Variants in BUD23 observed in about 807,000 individuals in gnomAD.
The protein encoded by BUD23 is 18S rRNA (guanine-N(7))-methyltransferase.
In BUD23, 34 loss-of-function variants were observed where a neutral mutation model predicts 47.0. The ratio of observed to expected loss-of-function variants is 0.72; its 90% CI spans 0.55 to 0.96. BUD23 has a LOEUF of 0.96. BUD23 is among the 40% of genes least tolerant of loss of function. The probability of loss-of-function intolerance (pLI) is 0.00; values close to 1 mark genes in which losing one functional copy is unlikely to be tolerated. For synonymous variants in BUD23, 124 were observed against 132.0 expected (o/e 0.94, Z 0.41); for missense variants, 343 against 361.2 (o/e 0.95, Z 0.41).
Position 73,693,994 on chromosome 7 carries a change from GC to G in BUD23, c.646del (p.Leu216Ter). Reference sequence around the variant, plus strand: ...TGAGTGCACTTTGGTTCCTGCAGGGGCTGAGTGAAAATCAGGATGAAGTTGA... The same window carrying G: ...TGAGTGCACTTTGGTTCCTGCAGGGGTGAGTGAAAATCAGGATGAAGTTGA... Reference protein sequence around the residue: ...SGPSTFIPEGLSENQDEVEPR... With the variant: ...SGPSTFIPEGXSENQDEVEPR... On this transcript the variant is annotated frameshift_variant, in exon 10 of 12. Coordinates refer to ENST00000265758, the MANE Select transcript of BUD23 (RefSeq NM_017528.5). LOFTEE classifies it high-confidence loss of function. 1 of 1,612,402 alleles carries G rather than the reference GC, an allele frequency of 6.2e-7. No homozygotes were observed. Among genetic ancestry groups the G allele is most frequent in the Non-Finnish European group, 8.5e-7 (1 of 1,179,574 alleles).
In BUD23 at chr7:73,697,636, G is replaced by A. The variant is rs1025573599; in HGVS notation, c.733G>A (p.Val245Met). 6.2e-7 allele frequency: 1 copy of A among 1,613,756 alleles called. No individual in the cohort carries two copies. The highest frequency in any genetic ancestry group is 1.7e-5 in the Admixed American group (1 of 60,026). The change falls in exon 11 of 12, where the codon GTG (valine) becomes ATG (methionine). Residue 245 changes from valine (V) to methionine (M), a missense_variant. Coordinates refer to ENST00000265758, the MANE Select transcript of BUD23 (RefSeq NM_017528.5). The part of the protein sequence containing the change: ...FPLRMSRRGM[V>M]RKSRAWVLEK... ...ATTAAGGATGTCGAGGCGGGGAATG[G>A]TGAGGAAGAGTCGGGCATGGGTGCT...
chr7:73,697,815 A>G lies in BUD23; in HGVS notation c.792-17A>G. 1 of 1,613,280 alleles carries G rather than the reference A, an allele frequency of 6.2e-7. No individual in the cohort carries two copies. The highest frequency in any genetic ancestry group is 8.5e-7 in the Non-Finnish European group (1 of 1,179,814). ...GATCTTTTTTTTCTGAGACTGTCCT[A>G]TTCCTTTTCTGCACAGGGAAGTCAG... On this transcript the variant is annotated splice_polypyrimidine_tract_variant and intron_variant, in intron 11 of 11. Transcript: ENST00000265758.
At position 73,690,990 on chromosome 7, in the gene BUD23, T is replaced by C; in HGVS notation, c.437T>C (p.Phe146Ser). The C allele has an allele frequency of 6.2e-7, 1 of 1,614,222 alleles. No individual in the cohort carries two copies. The highest frequency in any genetic ancestry group is 8.5e-7 in the Non-Finnish European group (1 of 1,180,044). ...ENPAKRLYCF[F>S]ASLFSVLVRG... ...CCTGCCAAGCGCCTGTACTGCTTTT[T>C]TGCTTCTCTTTTTTCTGTTCTCGTG... Residue 146 changes from phenylalanine (F) to serine (S), a missense_variant, in exon 6 of 12, where the codon TTT (phenylalanine) becomes TCT (serine). Coordinates refer to ENST00000265758, the MANE Select transcript of BUD23 (RefSeq NM_017528.5).
At position 73,687,054 on chromosome 7, in the gene BUD23, G is replaced by C; in HGVS notation, c.321G>C (p.Gln107His). Reference protein sequence around the residue: ...EGDLLLGDMGQGIPFKPGTFD... With the variant: ...EGDLLLGDMGHGIPFKPGTFD... Reference sequence around the variant, plus strand: ...ACCTGCTGCTGGGGGATATGGGCCAGGGCATCCCATTCAAGCCAGGCACAT... The same window carrying C: ...ACCTGCTGCTGGGGGATATGGGCCACGGCATCCCATTCAAGCCAGGCACAT... Residue 107 changes from glutamine to histidine, a missense_variant, in exon 5 of 12, where the codon CAG becomes CAC. Gln to His is a conservative substitution (Grantham distance 24). Coordinates refer to ENST00000265758, the MANE Select transcript of BUD23 (RefSeq NM_017528.5). 6.2e-7 allele frequency: 1 copy of C among 1,614,040 alleles called. No homozygotes were observed. The highest frequency in any genetic ancestry group is 8.5e-7 in the Non-Finnish European group (1 of 1,180,028).
rs782281250 is a variant in BUD23, at chr7:73,694,069, C to A, written c.701+19C>A. The A allele has an allele frequency of 1.9e-6, 3 of 1,597,922 alleles. No homozygotes were observed. Among genetic ancestry groups the A allele is most frequent in the South Asian group, 2.2e-5 (2 of 89,358 alleles). ...ATGAGAGGTAAAGCAACTGCTGAAG[C>A]CTGCCCCGGCTGCAGCGGGGGCTGC... is the stretch of plus-strand genomic sequence containing the variant. On this transcript the variant is annotated intron_variant, in intron 10 of 11. Transcript: ENST00000265758.
rs1222190421 is a variant in BUD23 at position 73,693,664 on chromosome 7, C to T, written c.637C>T (p.Pro213Ser). The change falls in exon 9 of 12, where the codon CCA becomes TCA. Residue 213 changes from proline to serine, a missense_variant. Coordinates refer to ENST00000265758, the MANE Select transcript of BUD23 (RefSeq NM_017528.5). ...CLFSGPSTFI[P>S]EGLSENQDEV... The stretch of plus-strand genomic sequence containing the variant: ...GTTTTCTGGGCCTTCGACCTTTATA[C>T]CAGAGGTGAGGGACACTGGGTTTGC... 6 of 1,614,050 alleles carry T rather than the reference C, an allele frequency of 3.7e-6. No homozygotes were observed. Among genetic ancestry groups the T allele is most frequent in the Non-Finnish European group, 5.1e-6 (6 of 1,180,026 alleles).
intron 2 of BUD23, among the ~76,000 whole-genome samples, chr7:73,685,685 G>A (rs565138261): frequency 9.9e-4 from 151 of 152,284 alleles, no homozygotes; most frequent in African/African-American, 3.4e-3. Flanking sequence ...TTATAGGCGT[G>A]AGCCACCAGG....
chr7:73,688,150 C>T (rs1160244354), intron 5 of BUD23, among the ~76,000 whole-genome samples: 1 of 152,166 alleles, frequency 6.6e-6, no homozygotes, highest in East Asian at 1.9e-4. Flanking sequence ...CCCTCTTCAG[C>T]CTCCCAAAGT....
Position 73,687,042 on chromosome 7 carries a change from G to T in BUD23, c.309G>T (p.Gly103=). ...AGATAGAGGGAGACCTGCTGCTGGGGGATATGGGCCAGGGCATCCCATTCA... is the reference window on the plus strand; with the variant it reads ...AGATAGAGGGAGACCTGCTGCTGGGTGATATGGGCCAGGGCATCCCATTCA... ...DREIEGDLLL[G]DMGQGIPFKP... The change falls in exon 5 of 12, where the codon GGG becomes GGT. Residue 103 remains glycine, a synonymous_variant. Transcript: ENST00000265758. The T allele has an allele frequency of 1.2e-6, 2 of 1,614,120 alleles. No homozygotes were observed. The highest frequency in any genetic ancestry group is 2.2e-5 in the East Asian group (1 of 44,894).
intron 2 of BUD23, among the ~76,000 whole-genome samples, chr7:73,686,194 G>A (rs1554612950): frequency 2.0e-5 from 3 of 152,124 alleles, no homozygotes; most frequent in Non-Finnish European, 4.4e-5. Flanking sequence ...CTCACATTCT[G>A]TTTCTCACAG....
At chr7:73,687,540 G>C (rs1798024332) in intron 5 of BUD23, among the ~76,000 whole-genome samples, 1 of 152,168 alleles carries the variant, frequency 6.6e-6, no homozygotes, top group South Asian at 2.1e-4. Context: ...CTCCCAAAGT[G>C]CTGGGATTAC....
intron 2 of BUD23, among the ~76,000 whole-genome samples, chr7:73,685,028 C>T (rs1797907050): frequency 6.7e-6 from 1 of 149,768 alleles, no homozygotes; most frequent in Admixed American, 6.7e-5. Flanking sequence ...GGTTACTGGC[C>T]GGGCGCTATG....
intron 10 of BUD23, chr7:73,697,375 C>T (rs1554615002): frequency 1.3e-6 from 2 of 1,488,182 alleles, no homozygotes; most frequent in African/African-American, 2.8e-5. Context: ...CCCGGCCCAG[C>T]TCTCTCCTCC....
At chr7:73,687,172 C>T (rs2116675141) in intron 5 of BUD23, 77 bp downstream of exon 5, 3 of 1,463,304 alleles carry the variant, frequency 2.1e-6, no homozygotes, top group East Asian at 4.6e-5. Context: ...AGTGCAGTGT[C>T]TGTGATTATG....
At chr7:73,684,619 G>GC (rs1220728870) in intron 2 of BUD23, among the ~76,000 whole-genome samples, 3 of 137,562 alleles carry the variant, frequency 2.2e-5, no homozygotes, top group East Asian at 4.0e-4. Context: ...AAAAAAAAAG[G>GC]GGGGGGGATG....
intron 2 of BUD23, among the ~76,000 whole-genome samples, chr7:73,686,116 T>C (rs1797957555): frequency 6.6e-6 from 1 of 150,992 alleles, no homozygotes; most frequent in African/African-American, 2.4e-5. Flanking sequence ...AAAAAAAATA[T>C]GACTCCAGTT....
chr7:73,697,106 CA>C (rs1798435781), intron 10 of BUD23: 7 of 313,828 alleles, frequency 2.2e-5, no homozygotes, highest in Non-Finnish European at 1.8e-5. Context: ...CGGATGGTCA[CA>C]GGGGTCTTCG....
Position 73,683,748 on chromosome 7 carries a change from C to T in BUD23, c.49-19C>T, listed in dbSNP as rs1797818039. 4 of 1,614,200 alleles carry T rather than the reference C, an allele frequency of 2.5e-6. No individual in the cohort carries two copies. The highest frequency in any genetic ancestry group is 3.4e-6 in the Non-Finnish European group (4 of 1,180,048). ...GCGTCTGAATTATTCCTCTACATGC[C>T]ATTTTCTCTTTTTCGCAGTTTTATG... On this transcript the variant is annotated intron_variant, in intron 1 of 11. Transcript: ENST00000265758.
intron 2 of BUD23, among the ~76,000 whole-genome samples, chr7:73,685,957 G>A (rs1797950449): frequency 6.6e-6 from 1 of 151,776 alleles, no homozygotes; most frequent in African/African-American, 2.4e-5. Flanking sequence ...TTAGCCGGGC[G>A]TGGCGGCGGG....
Sources: gnomAD v4.1 joint callset for allele counts (sites outside exome capture counted in the v4.1 genomes callset) on GRCh38, gnomAD v4.1.1 for gene constraint, MANE v1.5 for transcripts, NCBI Gene and HGNC (gene_info 2026-07-23, HGNC 2026-07-21) for gene names.